The following ERMP1 variants were observed in gnomAD, a reference collection of about 807,000 sequenced individuals.
The protein encoded by ERMP1 is endoplasmic reticulum metallopeptidase 1, also known as Felix-ina.
In ERMP1, 86 loss-of-function variants were observed where a neutral mutation model predicts 92.0. The observed-to-expected ratio is 0.93, with a 90% CI of 0.79 to 1.12. ERMP1 has a LOEUF of 1.12. Among genes scored for constraint, ERMP1 ranks in the 50% most tolerant of loss-of-function variants. The pLI is 0.00. For missense variants in ERMP1, 1,342 were observed against 1,116.3 expected (o/e 1.20, Z -2.88); for synonymous variants, 530 against 412.8 (o/e 1.28, Z -3.44).
At chr9:5,856,217 GT>G in intron 6 of ERMP1, 1 of 287,754 alleles carries the variant, frequency 3.5e-6, no homozygotes. Flanking sequence ...GGGCATACCT[GT>G]TCTCCAACTC....
intron 4 of ERMP1, among the ~76,000 whole-genome samples, chr9:5,816,896 T>C (rs1277821469): frequency 6.6e-6 from 1 of 150,562 alleles, no homozygotes; most frequent in African/African-American, 2.4e-5. Context: ...ACAGAGCCTA[T>C]GCTTTTTTTT....
chr9:5,801,579 C>A (rs1162710291), intron 10 of ERMP1, among the ~76,000 whole-genome samples: 1 of 151,876 alleles, frequency 6.6e-6, no homozygotes, highest in African/African-American at 2.4e-5. Context: ...GGCATGCAGC[C>A]AAAAACCAAG....
intron 4 of ERMP1, among the ~76,000 whole-genome samples, chr9:5,815,868 A>G (rs1445126284): frequency 6.6e-6 from 1 of 152,194 alleles, no homozygotes; most frequent in Non-Finnish European, 1.5e-5. Flanking sequence ...ACAAAAGGAA[A>G]AAGAACTATG....
In ERMP1 at chr9:5,812,174, G is replaced by C; in HGVS notation, c.1065C>G (p.Thr355=). Residue 355 remains threonine, a synonymous_variant, in exon 6 of 15, where the codon ACC becomes ACG. Coordinates refer to ENST00000339450, the MANE Select transcript of ERMP1 (RefSeq NM_024896.3). ...AFIENGYIYH[T]KYDTADRILT... is the part of the protein sequence containing the mutation. Reference sequence around the variant, plus strand: ...GAATTCTGTCCGCTGTGTCATACTTGGTGTGATAAATGTATCCATTCTCAA... The same window carrying C: ...GAATTCTGTCCGCTGTGTCATACTTCGTGTGATAAATGTATCCATTCTCAA... The C allele has an allele frequency of 1.2e-6, 2 of 1,609,996 alleles. No individual in the cohort carries two copies. Among genetic ancestry groups the C allele is most frequent in the Non-Finnish European group, 1.7e-6 (2 of 1,177,798 alleles).
intron 2 of ERMP1, 67 bp downstream of exon 2, chr9:5,830,659 CT>C (rs1052457374): frequency 7.5e-7 from 1 of 1,333,218 alleles, no homozygotes; most frequent in African/African-American, 1.5e-5. Flanking sequence ...GCCCAAGTAG[CT>C]TGGGGTTATG....
At chr9:5,846,674 T>C (rs1037330414) in intron 6 of ERMP1, among the ~76,000 whole-genome samples, 1 of 152,164 alleles carries the variant, frequency 6.6e-6, no homozygotes, top group Admixed American at 6.5e-5. Flanking sequence ...TCATATTTAT[T>C]TCATCATGCT....
rs1468690729 is a variant in ERMP1, at chr9:5,833,062, A to C, written c.-35T>G. On this transcript the variant is annotated 5_prime_UTR_variant, in exon 1 of 15. Coordinates refer to ENST00000339450, the MANE Select transcript of ERMP1 (RefSeq NM_024896.3). ...CCTCAGCTGCCAGCCCAACCGCCCC[A>C]ACCCGCGACAGCCCCGGCCGCCGCC... The C allele has an allele frequency of 7.0e-7, 1 of 1,419,334 alleles. No individual in the cohort carries two copies. Among genetic ancestry groups the C allele is most frequent in the Non-Finnish European group, 9.1e-7 (1 of 1,095,770 alleles). The allele number at this position is 1,419,334 out of a possible 1,614,324, so 87.9% of individuals were successfully genotyped here. A position where few individuals can be genotyped will look rare whatever the true frequency, so the allele number is the denominator to read the frequency against.
intron 6 of ERMP1, among the ~76,000 whole-genome samples, chr9:5,848,410 G>A (rs1261466092): frequency 1.3e-5 from 2 of 152,104 alleles, no homozygotes; most frequent in Non-Finnish European, 2.9e-5. Context: ...CAGCTCTGCC[G>A]AGCCATTTCA....
chr9:5,816,933 C>G (rs960055724), intron 4 of ERMP1, among the ~76,000 whole-genome samples: 3 of 148,764 alleles, frequency 2.0e-5, no homozygotes, highest in African/African-American at 7.5e-5. Flanking sequence ...GAGTCTCGCT[C>G]TGTCTCCCAG....
intron 8 of ERMP1, among the ~76,000 whole-genome samples, chr9:5,808,555 T>G (rs992258131): frequency 3.9e-5 from 6 of 152,170 alleles, no homozygotes; most frequent in Non-Finnish European, 7.4e-5. Flanking sequence ...GACATACTTG[T>G]GGAAGGATGT....
chr9:5,820,751 T>C (rs1003668517), intron 4 of ERMP1, among the ~76,000 whole-genome samples: 2 of 152,188 alleles, frequency 1.3e-5, no homozygotes, highest in African/African-American at 2.4e-5. Flanking sequence ...TTTAAAAAGC[T>C]GAGGACAGCA....
chr9:5,818,160 A>C (rs1346014785), intron 4 of ERMP1, among the ~76,000 whole-genome samples: 1 of 139,256 alleles, frequency 7.2e-6, no homozygotes, highest in Non-Finnish European at 1.5e-5. Flanking sequence ...ATCCTATCTC[A>C]AAAAAAAAAA....
chr9:5,812,894 A>G lies in ERMP1; in HGVS notation c.1016T>C (p.Ile339Thr). The G allele has an allele frequency of 1.9e-6, 3 of 1,614,000 alleles. No individual in the cohort carries two copies. Among genetic ancestry groups the G allele is most frequent in the Non-Finnish European group, 2.5e-6 (3 of 1,179,882 alleles). The change falls in exon 5 of 15, where the codon ATT (isoleucine) becomes ACT (threonine). Residue 339 changes from isoleucine to threonine, a missense_variant. Ile to Thr is a moderately conservative substitution (Grantham distance 89). Transcript: ENST00000339450. ...DFRIYRDFGN[I>T]PGIDLAFIEN... ...CGTAACCATTGACAATATACCTGGA[A>G]TGTTCCCAAAATCCCTGTAGATACG... is the stretch of plus-strand genomic sequence containing the variant.
At chr9:5,857,557 C>T (rs1830394004) in intron 6 of ERMP1, among the ~76,000 whole-genome samples, 1 of 152,214 alleles carries the variant, frequency 6.6e-6, no homozygotes, top group Non-Finnish European at 1.5e-5. Context: ...ACCTAGACTT[C>T]ACTCTTCTCC....
At chr9:5,853,211 G>C (rs1207916861) in intron 6 of ERMP1, among the ~76,000 whole-genome samples, 1 of 152,210 alleles carries the variant, frequency 6.6e-6, no homozygotes. Flanking sequence ...TGATACAGGA[G>C]AAGGGTGGAA....
At chr9:5,861,020 A>T (rs1224674462) in intron 5 of ERMP1, among the ~76,000 whole-genome samples, 1 of 152,154 alleles carries the variant, frequency 6.6e-6, no homozygotes, top group Admixed American at 6.5e-5. Context: ...CTATGAGCCC[A>T]TACATTTCTG....
intron 6 of ERMP1, among the ~76,000 whole-genome samples, chr9:5,857,375 T>C (rs55655826): frequency 0.28 from 42,974 of 152,148 alleles, 6,402 homozygotes; most frequent in East Asian, 0.55. Context: ...TGTGTCACTT[T>C]GTTTGCCTCG....
At chr9:5,848,276 T>C (rs572331646) in intron 6 of ERMP1, among the ~76,000 whole-genome samples, 114 of 151,944 alleles carry the variant, frequency 7.5e-4, no homozygotes, top group Middle Eastern at 3.4e-3. Context: ...AAGCGGGAAG[T>C]AGGAGAGTAA....
upstream of ERMP1, among the ~76,000 whole-genome samples, chr9:5,835,684 G>A (rs139074043): frequency 1.3e-5 from 2 of 152,316 alleles, no homozygotes; most frequent in African/African-American, 4.8e-5. Flanking sequence ...TGCAAGGAAG[G>A]CCTCCTGGCC....
Sources: allele counts gnomAD v4.1 joint callset (sites outside exome capture counted in the v4.1 genomes callset), GRCh38; gene constraint gnomAD v4.1.1; transcripts MANE v1.5; gene names NCBI Gene and HGNC (gene_info 2026-07-23, HGNC 2026-07-21).